Variants in HIP1R observed in about 807,000 individuals in gnomAD.
HIP1R encodes the protein huntingtin interacting protein 1 related.
A neutral mutation model predicts 144.2 loss-of-function variants in HIP1R; 135 were observed. The ratio of observed to expected loss-of-function variants is 0.94; its 90% CI spans 0.81 to 1.08. The LOEUF is 1.08. Among genes scored for constraint, HIP1R ranks in the 50% least tolerant of loss-of-function variants. HIP1R has a pLI of 0.00. For synonymous variants in HIP1R, 698 were observed against 612.8 expected (o/e 1.14, Z -2.05); for missense variants, 1,462 against 1,432.8 (o/e 1.02, Z -0.33).
intron 23 of HIP1R, 63 bp downstream of exon 23, chr12:122,859,599 C>A: frequency 7.0e-7 from 1 of 1,428,728 alleles, no homozygotes; most frequent in Non-Finnish European, 9.7e-7. Flanking sequence ...GAGGCCCCAA[C>A]TGGGCTGGGT....
intron 4 of HIP1R, among the ~76,000 whole-genome samples, chr12:122,849,250 TG>T (rs2135649452): frequency 6.6e-6 from 1 of 152,356 alleles, no homozygotes; most frequent in Admixed American, 6.5e-5. Flanking sequence ...CTGAGAGCCC[TG>T]GGGGGCCTGC....
intron 3 of HIP1R, 68 bp from the exon 4 acceptor site, chr12:122,848,728 G>T: frequency 6.2e-7 from 1 of 1,603,330 alleles, no homozygotes; most frequent in East Asian, 2.2e-5. Context: ...CGGGTGGGGA[G>T]TGCGTGTCTC....
In HIP1R at chr12:122,860,542, G is replaced by C. The variant is rs538461538; in HGVS notation, c.2660+19G>C. ...AGCTGGTGTAGGTTGCCCTGGGTGGGGGGGGGCAGGGGGCTGCTTCCTGCC... is the reference window on the plus strand; with the variant it reads ...AGCTGGTGTAGGTTGCCCTGGGTGGCGGGGGGCAGGGGGCTGCTTCCTGCC... On this transcript the variant is annotated intron_variant, in intron 27 of 31. Transcript: ENST00000253083. 2.5e-5 allele frequency: 40 copies of C among 1,587,152 alleles called. No homozygotes were observed. The Admixed American group carries it at 2.8e-4, about 11-fold the overall frequency.
In HIP1R at chr12:122,861,919, T is replaced by A; in HGVS notation, c.*166T>A. On this transcript the variant is annotated 3_prime_UTR_variant, in exon 32 of 32. Coordinates refer to ENST00000253083, the MANE Select transcript of HIP1R (RefSeq NM_003959.3). ...GGCCCTTACTGAGCCTGCAGGGTCCTGGGCCATGTGGGTGGTGCTTCTGGA... is the reference window on the plus strand; with the variant it reads ...GGCCCTTACTGAGCCTGCAGGGTCCAGGGCCATGTGGGTGGTGCTTCTGGA... 1 of 602,678 alleles carries A rather than the reference T, an allele frequency of 1.7e-6. No individual in the cohort carries two copies. The highest frequency in any genetic ancestry group is 2.9e-6 in the Non-Finnish European group (1 of 348,338). The allele number at this position is 602,678 out of a possible 1,614,324, so 37.3% of individuals were successfully genotyped here. A position where few individuals can be genotyped will look rare whatever the true frequency, so the allele number is the denominator to read the frequency against.
rs2032898803 is a variant in HIP1R, at chr12:122,836,455, C to G, written c.93+812C>G. ...TAAGGGCGCGGGTGTGCGTTTTGTA[C>G]TTGTGTTTGTGCCGGGGACCCACGA... On this transcript the variant is annotated intron_variant, in intron 1 of 31. Transcript: ENST00000253083. The surrounding 1 kb of genome is among the most constrained non-coding windows in gnomAD (Gnocchi z 4.1). Among the ~76,000 whole-genome samples the G allele has an allele frequency of 6.6e-6, 1 of 152,126 alleles. No individual in the cohort carries two copies. The highest frequency in any genetic ancestry group is 1.5e-5 in the Non-Finnish European group (1 of 68,038).
intron 9 of HIP1R, 43 bp downstream of exon 9, chr12:122,855,005 A>G (rs766464581): frequency 2.5e-6 from 4 of 1,613,184 alleles, no homozygotes; most frequent in Non-Finnish European, 3.4e-6. Flanking sequence ...GGTGGGGGAG[A>G]GGCTCCGTGG....
chr12:122,856,964 G>A (rs1453100010), intron 17 of HIP1R, 57 bp from the exon 18 acceptor site: 1 of 1,499,180 alleles, frequency 6.7e-7, no homozygotes, highest in African/African-American at 1.4e-5. Flanking sequence ...CGTGGGGGCA[G>A]GGTGGGTGGG....
chr12:122,840,018 G>A lies in HIP1R; in HGVS notation c.93+4375G>A, dbSNP rs1337575325. On this transcript the variant is annotated intron_variant, in intron 1 of 31. Transcript: ENST00000253083. This position sits in a 1 kb window ranked among gnomAD's most constrained non-coding sequence, Gnocchi z 4.2. ...GCAGCATGGCATGGGCGTTGAGCTC[G>A]TTGTTCCTGGGCATGCGCACTGCTG... Among the ~76,000 whole-genome samples the A allele has an allele frequency of 6.6e-6, 1 of 152,368 alleles. No homozygotes were observed. Among genetic ancestry groups the A allele is most frequent in the Non-Finnish European group, 1.5e-5 (1 of 68,028 alleles).
upstream of HIP1R, chr12:122,834,970 A>G: frequency 7.8e-7 from 1 of 1,289,022 alleles, no homozygotes; most frequent in Non-Finnish European, 1.0e-6. Context: ...GATTTTCTCC[A>G]ATTAACCAGA....
chr12:122,854,981 A>T lies in HIP1R; in HGVS notation c.776+19A>T, dbSNP rs377234328. The T allele has an allele frequency of 6.2e-7, 1 of 1,613,322 alleles. No homozygotes were observed. Among genetic ancestry groups the T allele is most frequent in the South Asian group, 1.1e-5 (1 of 91,074 alleles). The stretch of plus-strand genomic sequence containing the variant: ...TTCACAGGTACTGCCTGGGACAGGG[A>T]CAGGATTGAGGCCGGTGGGGGAGAG... On this transcript the variant is annotated intron_variant, in intron 9 of 31. Coordinates refer to ENST00000253083, the MANE Select transcript of HIP1R (RefSeq NM_003959.3).
rs373693539 is a variant in HIP1R, at chr12:122,861,199, G to A, written c.2952+7G>A. ...GCAGGAGATGGAGACCCAGGTAGGC[G>A]CCCATGGCTGCCCCGTGACCTCTGA... On this transcript the variant is annotated splice_region_variant and intron_variant, in intron 30 of 31. Coordinates refer to ENST00000253083, the MANE Select transcript of HIP1R (RefSeq NM_003959.3). The A allele has an allele frequency of 3.9e-5, 59 of 1,507,868 alleles. 1 individual carries two copies. The African/African-American group carries it at 9.1e-4, about 23-fold the overall frequency. 93.4% of individuals were successfully genotyped at this position (1,507,868 alleles called of 1,614,324 possible).
At chr12:122,860,099 G>A (rs2135678360) in intron 25 of HIP1R, 22 bp downstream of exon 25, 2 of 1,579,546 alleles carry the variant, frequency 1.3e-6, no homozygotes, top group Middle Eastern at 1.7e-4. Context: ...TGACCCGGGG[G>A]GGTCTGCACC....
Position 122,858,406 on chromosome 12 carries a change from G to A in HIP1R, c.2021G>A (p.Gly674Asp). 2 of 1,610,360 alleles carry A rather than the reference G, an allele frequency of 1.2e-6. No homozygotes were observed. Among genetic ancestry groups the A allele is most frequent in the Admixed American group, 1.7e-5 (1 of 59,786 alleles). The stretch of plus-strand genomic sequence containing the variant: ...GATGCCGTGAGCACCCTGGAGGAGG[G>A]CCACGCCCAGTACCTGACCTCCTTG... The part of the protein sequence containing the change: ...ALDAVSTLEE[G>D]HAQYLTSLAD... The change falls in exon 20 of 32, where the codon GGC (glycine) becomes GAC (aspartate). Residue 674 changes from glycine (G) to aspartate (D), a missense_variant. Transcript: ENST00000253083.
In HIP1R at chr12:122,851,412, C is replaced by T. The variant is rs533908452; in HGVS notation, c.577+115C>T. ...AGACCAACTGATCACTATGAAATGA[C>T]CCTGGCCAGCCGCAGTGGCTCACAT... On this transcript the variant is annotated intron_variant, in intron 7 of 31. Coordinates refer to ENST00000253083, the MANE Select transcript of HIP1R (RefSeq NM_003959.3). The T allele has an allele frequency of 3.7e-6, 3 of 820,264 alleles. No homozygotes were observed. In the African/African-American group the frequency reaches 5.4e-5, roughly 15 times the overall value. 50.8% of individuals were successfully genotyped at this position (820,264 alleles called of 1,614,324 possible). A position where few individuals can be genotyped will look rare whatever the true frequency, so the allele number is the denominator to read the frequency against.
Position 122,861,774 on chromosome 12 carries a change from G to A in HIP1R, c.*21G>A. 1.9e-6 allele frequency: 3 copies of A among 1,612,700 alleles called. No homozygotes were observed. The highest frequency in any genetic ancestry group is 1.1e-5 in the South Asian group (1 of 91,038). On this transcript the variant is annotated 3_prime_UTR_variant, in exon 32 of 32. Transcript: ENST00000253083. ...ACTAGGCCCCCCAGGGGTCCAGCAG[G>A]GTGGCTGGTGACAGGCCTGGGCCTC...
At chr12:122,858,040 C>A in intron 18 of HIP1R, 62 bp from the exon 19 acceptor site, 1 of 1,460,016 alleles carries the variant, frequency 6.8e-7, no homozygotes, top group East Asian at 2.3e-5. Context: ...CATTCCAGGG[C>A]TGGGGCACAT....
chr12:122,844,956 G>C (rs2033166833), intron 1 of HIP1R, among the ~76,000 whole-genome samples: 1 of 152,208 alleles, frequency 6.6e-6, no homozygotes, highest in Non-Finnish European at 1.5e-5. Flanking sequence ...GCACGCTGCA[G>C]TTTCCCCACC....
chr12:122,861,820 CGA>C lies in HIP1R; in HGVS notation c.*71_*72del. The C allele has an allele frequency of 2.0e-6, 3 of 1,485,598 alleles. No individual in the cohort carries two copies. Among genetic ancestry groups the C allele is most frequent in the African/African-American group, 1.4e-5 (1 of 72,254 alleles). The allele number at this position is 1,485,598 out of a possible 1,614,324, so 92.0% of individuals were successfully genotyped here. On this transcript the variant is annotated 3_prime_UTR_variant, in exon 32 of 32. Coordinates refer to ENST00000253083, the MANE Select transcript of HIP1R (RefSeq NM_003959.3). Reference sequence around the variant, plus strand: ...GCCTCTGCAACTGCCCTGACAGGACCGAGAGGCCTTGCCCCTCCACCTGGTGC... The same window carrying C: ...GCCTCTGCAACTGCCCTGACAGGACCGAGGCCTTGCCCCTCCACCTGGTGC...
chr12:122,859,593 C>A, intron 23 of HIP1R, 57 bp downstream of exon 23: 1 of 1,461,194 alleles, frequency 6.8e-7, no homozygotes, highest in Non-Finnish European at 9.4e-7. Flanking sequence ...GGGCCGGAGG[C>A]CCCAACTGGG....
Sources: allele counts gnomAD v4.1 joint callset (sites outside exome capture counted in the v4.1 genomes callset), GRCh38; gene constraint gnomAD v4.1.1; non-coding constraint Gnocchi (gnomAD v3.1); transcripts MANE v1.5; gene names NCBI Gene and HGNC (gene_info 2026-07-23, HGNC 2026-07-21).